COG5: variants seen among roughly 807,000 people sequenced by gnomAD.
The protein encoded by COG5 is conserved oligomeric Golgi complex subunit 5.
COG5 carries 86 observed loss-of-function variants against 110.4 expected under a neutral mutation model. The ratio of observed to expected loss-of-function variants is 0.78; its 90% confidence interval spans 0.65 to 0.93. The LOEUF is 0.93. Ranked by LOEUF, COG5 falls within the 40% of genes least tolerant of loss-of-function variation. The probability of loss-of-function intolerance (pLI) is 0.00; values close to 1 mark genes in which losing one functional copy is unlikely to be tolerated. For missense variants in COG5, 1,077 were observed against 987.0 expected (o/e 1.09, Z -1.22); for synonymous variants, 360 against 334.6 (o/e 1.08, Z -0.83).
intron 17 of COG5, among the ~76,000 whole-genome samples, chr7:107,242,299 GGGGA>G (rs1801706017): frequency 6.6e-6 from 1 of 152,196 alleles, no homozygotes; most frequent in Non-Finnish European, 1.5e-5. Context: ...CACAGAGCCA[GGGGA>G]ACCCCCACTG....
intron 12 of COG5, among the ~76,000 whole-genome samples, chr7:107,297,260 A>C (rs1562956856): frequency 6.6e-6 from 1 of 152,110 alleles, no homozygotes; most frequent in East Asian, 1.9e-4. Context: ...ATCATTCTCT[A>C]AGCAATATAG....
At chr7:107,306,242 T>C (rs758488863) in intron 11 of COG5, among the ~76,000 whole-genome samples, 14 of 152,140 alleles carry the variant, frequency 9.2e-5, no homozygotes, top group Non-Finnish European at 1.3e-4. Flanking sequence ...ACACTAAAAA[T>C]AGTTCAGACA....
chr7:107,431,224 A>C (rs886432097), intron 6 of COG5, among the ~76,000 whole-genome samples: 1 of 152,216 alleles, frequency 6.6e-6, no homozygotes, highest in Non-Finnish European at 1.5e-5. Context: ...CACCCAATAC[A>C]TCCTAAGTGT....
intron 19 of COG5, among the ~76,000 whole-genome samples, chr7:107,223,505 A>G (rs747844643): frequency 2.6e-5 from 4 of 152,184 alleles, no homozygotes; most frequent in Non-Finnish European, 5.9e-5. Flanking sequence ...ATTCTCTAAG[A>G]ATAAAAGCAT....
chr7:107,461,222 T>C (rs916412286), intron 6 of COG5, among the ~76,000 whole-genome samples: 7 of 151,956 alleles, frequency 4.6e-5, no homozygotes, highest in Non-Finnish European at 1.0e-4. Flanking sequence ...AACCATGCAA[T>C]ATCTAAAAAG....
At position 107,361,837 on chromosome 7, in the gene COG5, G is replaced by C. The variant is rs6950881; in HGVS notation, c.1026+196C>G. Among the ~76,000 whole-genome samples the C allele has an allele frequency of 4.7e-3, 709 of 152,292 alleles. 9 individuals are homozygous for C. The highest frequency in any genetic ancestry group is 0.016 in the African/African-American group (669 of 41,558). Reference sequence around the variant, plus strand: ...GGCCTCCCAAAGTGCTGGGATTACAGGCGTGACCCACCACGCCCAGCCCCA... The same window carrying C: ...GGCCTCCCAAAGTGCTGGGATTACACGCGTGACCCACCACGCCCAGCCCCA... On this transcript the variant is annotated intron_variant, in intron 10 of 21. Coordinates refer to ENST00000297135, the MANE Select transcript of COG5 (RefSeq NM_006348.5).
intron 8 of COG5, among the ~76,000 whole-genome samples, chr7:107,370,802 T>TTATATA (rs769651624): frequency 0.14 from 20,645 of 143,080 alleles, 1,924 homozygotes; most frequent in Non-Finnish European, 0.21. Context: ...AAAAAAAAAT[T>TTATATA]TATATATATA....
chr7:107,563,912 G>T lies in COG5; in HGVS notation c.-16C>A. On this transcript the variant is annotated 5_prime_UTR_variant, in exon 1 of 22. Transcript: ENST00000297135. ...CACCTTCCATGTTGGCAGGTGCCGG[G>T]TTGATGTCGTCAGCAGCAGAACGGC... The T allele has an allele frequency of 6.2e-7, 1 of 1,613,410 alleles. No individual in the cohort carries two copies. The highest frequency in any genetic ancestry group is 8.5e-7 in the Non-Finnish European group (1 of 1,179,904).
intron 10 of COG5, among the ~76,000 whole-genome samples, chr7:107,340,965 G>C (rs1289026695): frequency 6.6e-6 from 1 of 152,044 alleles, no homozygotes; most frequent in Non-Finnish European, 1.5e-5. Context: ...TTGAGAACAG[G>C]AACAAGACAA....
rs1584570288 is a variant in COG5 at position 107,248,467 on chromosome 7, T to G, written c.1782A>C (p.Gln594His). 2.5e-6 allele frequency: 4 copies of G among 1,609,526 alleles called. No homozygotes were observed. Among genetic ancestry groups the G allele is most frequent in the Non-Finnish European group, 3.4e-6 (4 of 1,178,008 alleles). Residue 594 changes from glutamine to histidine, a missense_variant, in exon 17 of 22, where the codon CAA (glutamine) becomes CAC (histidine). Coordinates refer to ENST00000297135, the MANE Select transcript of COG5 (RefSeq NM_006348.5). The part of the protein sequence containing the change: ...AIHALMENAV[Q>H]PLLTSVGDAI... ...CATCTCCCACAGAAGTGAGTAAGGG[T>G]TGCACAGCATTTTCCATAAGAGCAT...
rs114913857 is a variant in COG5 at position 107,264,444 on chromosome 7, G to A, written c.1576-6061C>T. 7.9e-3 allele frequency among the ~76,000 whole-genome samples: 1,206 copies of A among 152,126 alleles called. 15 individuals are homozygous for A. The highest frequency in any genetic ancestry group is 0.025 in the African/African-American group (1,053 of 41,488). On this transcript the variant is annotated intron_variant, in intron 14 of 21. Coordinates refer to ENST00000297135, the MANE Select transcript of COG5 (RefSeq NM_006348.5). Reference sequence around the variant, plus strand: ...ACGGTGGCTCATACCTGTAATCCTAGCCCTTTGGAGACTGAGGCAGGAGGA... The same window carrying A: ...ACGGTGGCTCATACCTGTAATCCTAACCCTTTGGAGACTGAGGCAGGAGGA...
intron 11 of COG5, among the ~76,000 whole-genome samples, chr7:107,323,046 A>G (rs1990055): frequency 0.02 from 3,006 of 152,298 alleles, 112 homozygotes; most frequent in African/African-American, 0.067. Flanking sequence ...GATGATGGAA[A>G]TGTTCTATAT....
In COG5 at chr7:107,380,227, G is replaced by T. The variant is rs140574965; in HGVS notation, c.670-7467C>A. Among the ~76,000 whole-genome samples, 18 of 152,054 alleles carry T rather than the reference G, an allele frequency of 1.2e-4. No homozygotes were observed. In the East Asian group the frequency reaches 3.5e-3, roughly 29 times the overall value. On this transcript the variant is annotated intron_variant, in intron 7 of 21. Coordinates refer to ENST00000297135, the MANE Select transcript of COG5 (RefSeq NM_006348.5). ...GAGAAAGAGAGAAAGATCTAAAATC[G>T]ACACCCTAACATCACAATTAAAAGA...
chr7:107,328,179 T>G (rs1351591886), intron 10 of COG5, among the ~76,000 whole-genome samples: 4 of 152,218 alleles, frequency 2.6e-5, no homozygotes, highest in Non-Finnish European at 4.4e-5. Context: ...TACACAAACC[T>G]AGAAGGGATA....
intron 12 of COG5, among the ~76,000 whole-genome samples, chr7:107,292,499 A>G (rs1806257970): frequency 6.6e-6 from 1 of 152,238 alleles, no homozygotes; most frequent in African/African-American, 2.4e-5. Context: ...TAAGCTAAAT[A>G]TTAAAAGCTG....
At chr7:107,232,623 G>T (rs1800857390) in intron 18 of COG5, among the ~76,000 whole-genome samples, 1 of 152,120 alleles carries the variant, frequency 6.6e-6, no homozygotes, top group South Asian at 2.1e-4. Context: ...TTATGCAAAA[G>T]ATTTCTATGC....
Position 107,232,652 on chromosome 7 carries a change from T to C in COG5, c.2092-1961A>G, listed in dbSNP as rs2299420. Among the ~76,000 whole-genome samples, 807 of 152,350 alleles carry C rather than the reference T, an allele frequency of 5.3e-3. 17 individuals carry two copies. Among genetic ancestry groups the C allele is most frequent in the East Asian group, 0.047 (244 of 5,184 alleles). On this transcript the variant is annotated intron_variant, in intron 18 of 21. Transcript: ENST00000297135. ...TCTATGCCGCAGGACAATTTCAAAA[T>C]GTTTAATGTTTAAAATAAAATTTTT...
intron 5 of COG5, among the ~76,000 whole-genome samples, chr7:107,540,938 G>A (rs939435888): frequency 1.3e-5 from 2 of 151,776 alleles, no homozygotes; most frequent in Admixed American, 6.6e-5. Flanking sequence ...ATCACCTGAG[G>A]TCAAGAGTTC....
chr7:107,323,651 G>A (rs557759999), intron 11 of COG5, among the ~76,000 whole-genome samples: 1 of 152,290 alleles, frequency 6.6e-6, no homozygotes, highest in East Asian at 1.9e-4. Context: ...TGTGGTTACT[G>A]TCTTACTACA....
Sources: gnomAD v4.1 joint callset for allele counts (sites outside exome capture counted in the v4.1 genomes callset) on GRCh38, gnomAD v4.1.1 for gene constraint, MANE v1.5 for transcripts, NCBI Gene and HGNC (gene_info 2026-07-23, HGNC 2026-07-21) for gene names.